The following DOCK9 variants were observed in gnomAD, a reference collection of about 807,000 sequenced individuals.
DOCK9 encodes the protein dedicator of cytokinesis protein 9.
In DOCK9, 89 loss-of-function variants were observed where a neutral mutation model predicts 263.3. That is an observed-to-expected ratio of 0.34 (90% CI 0.28 to 0.40). The LOEUF is 0.40. DOCK9 is among the 10% of genes least tolerant of loss of function. The pLI, the probability that DOCK9 is intolerant of heterozygous loss-of-function variation, is 1.00. For missense variants in DOCK9, 2,140 were observed against 2,603.4 expected, an observed-to-expected ratio of 0.82 and a Z score of 3.87; for synonymous variants, 976 against 973.1, an observed-to-expected ratio of 1.00 and a Z score of -0.06.
chr13:98,823,343 G>A (rs2092379906), intron 45 of DOCK9, among the ~76,000 whole-genome samples: 1 of 152,178 alleles, frequency 6.6e-6, no homozygotes, highest in Non-Finnish European at 1.5e-5. Context: ...CCAGGACCAT[G>A]TTTAGAGAAC....
At chr13:98,953,382 C>G (rs1209404169) in intron 2 of DOCK9, among the ~76,000 whole-genome samples, 7 of 152,226 alleles carry the variant, frequency 4.6e-5, no homozygotes, top group African/African-American at 1.7e-4. Flanking sequence ...AAAGGGGACA[C>G]AGAAGTTTTC....
intron 1 of DOCK9, among the ~76,000 whole-genome samples, chr13:99,060,280 T>C (rs1163290446): frequency 1.3e-5 from 2 of 152,012 alleles, no homozygotes; most frequent in East Asian, 1.9e-4. Context: ...GGTTTCACCG[T>C]GTTAGCCAGG....
At chr13:98,839,877 G>A (rs1369956739) in intron 38 of DOCK9, among the ~76,000 whole-genome samples, 1 of 152,208 alleles carries the variant, frequency 6.6e-6, no homozygotes, top group African/African-American at 2.4e-5. Context: ...CTCTCCTTTA[G>A]AGTCAGATTC....
chr13:98,973,511 A>C (rs561911946), intron 1 of DOCK9, among the ~76,000 whole-genome samples: 1 of 152,342 alleles, frequency 6.6e-6, no homozygotes, highest in African/African-American at 2.4e-5. Context: ...GTGGTCATTC[A>C]AACATTAAAA....
At chr13:98,852,608 T>C (rs1388111635) in intron 35 of DOCK9, among the ~76,000 whole-genome samples, 3 of 152,254 alleles carry the variant, frequency 2.0e-5, no homozygotes, top group Non-Finnish European at 4.4e-5. Flanking sequence ...ACTTTGTTTT[T>C]AGGAGAGTTC....
At chr13:98,928,926 T>C (rs1289215772) in intron 3 of DOCK9, among the ~76,000 whole-genome samples, 2 of 152,170 alleles carry the variant, frequency 1.3e-5, no homozygotes, top group Admixed American at 6.5e-5. Flanking sequence ...TTCAGAAAGA[T>C]GAGGGAACAC....
intron 45 of DOCK9, among the ~76,000 whole-genome samples, chr13:98,823,686 A>G (rs1291157433): frequency 3.3e-5 from 5 of 152,262 alleles, no homozygotes; most frequent in Non-Finnish European, 5.9e-5. Flanking sequence ...AAAAGGAAAC[A>G]GAGTGAATGA....
chr13:98,855,863 A>T (rs755266712), intron 34 of DOCK9, 35 bp downstream of exon 34: 1 of 1,611,006 alleles, frequency 6.2e-7, no homozygotes, highest in South Asian at 1.1e-5. Context: ...TCCATTGATT[A>T]TAAGAAACAT....
rs375625392 is a variant in DOCK9 at position 98,850,079 on chromosome 13, T to C, written c.3981A>G (p.Thr1327=). The C allele has an allele frequency of 6.6e-5, 103 of 1,560,444 alleles. No individual in the cohort carries two copies. Among genetic ancestry groups the C allele is most frequent in the Non-Finnish European group, 8.8e-5 (102 of 1,156,948 alleles). ...TTGTAAAAAAATCCATAAGTTCAGA[T>C]GTTGAAGCCTTGTTCCAATATGTAA... The part of the protein sequence containing the change: ...ALFTYWNKAS[T]SELMDFFTIS... Residue 1327 remains threonine (T), a synonymous_variant, in exon 36 of 53, where the codon ACA becomes ACG. Transcript: ENST00000682017.
intron 11 of DOCK9, 107 bp downstream of exon 11, chr13:98,902,865 C>A (rs1368011753): frequency 1.8e-6 from 2 of 1,114,810 alleles, no homozygotes; most frequent in African/African-American, 3.2e-5. Context: ...CACTGCACCT[C>A]TTTGATACCA....
intron 30 of DOCK9, among the ~76,000 whole-genome samples, chr13:98,865,560 G>A (rs73556940): frequency 0.058 from 8,847 of 152,240 alleles, 666 homozygotes; most frequent in African/African-American, 0.16. Context: ...TCGACTGAGC[G>A]AAGCCCGTCT....
chr13:98,949,161 C>G (rs1358835679), intron 2 of DOCK9, among the ~76,000 whole-genome samples: 1 of 152,220 alleles, frequency 6.6e-6, no homozygotes, highest in Non-Finnish European at 1.5e-5. Context: ...CAGCCTCAAC[C>G]TGTTGGGCTC....
chr13:98,993,839 G>A (rs1880386144), intron 1 of DOCK9, among the ~76,000 whole-genome samples: 1 of 152,180 alleles, frequency 6.6e-6, no homozygotes, highest in African/African-American at 2.4e-5. Context: ...TTCTCTCACT[G>A]TAGTTAGAAT....
intron 33 of DOCK9, chr13:98,857,693 T>C (rs1171168711): frequency 1.3e-5 from 2 of 152,204 alleles, no homozygotes; most frequent in Non-Finnish European, 2.9e-5. Flanking sequence ...TCCCTGAAAC[T>C]GATTCAGTGT....
At chr13:99,017,798 T>C (rs1885610038) in intron 1 of DOCK9, among the ~76,000 whole-genome samples, 1 of 152,248 alleles carries the variant, frequency 6.6e-6, no homozygotes, top group Non-Finnish European at 1.5e-5. Context: ...CGAATTTTTG[T>C]TGGGCCACAT....
In DOCK9 at chr13:98,831,274, T is replaced by C. The variant is rs948334504; in HGVS notation, c.4635+74A>G. On this transcript the variant is annotated intron_variant, in intron 41 of 52. Coordinates refer to ENST00000682017, the MANE Select transcript of DOCK9 (RefSeq NM_001366683.2). ...TTATGACAAGGTAAATTGGTTAATG[T>C]GATACTCAAAGTTTTCCTGATACAG... The C allele has an allele frequency of 4.1e-6, 6 of 1,451,258 alleles. No individual in the cohort carries two copies. The African/African-American group carries it at 8.5e-5, about 21-fold the overall frequency. 89.9% of individuals were successfully genotyped at this position (1,451,258 alleles called of 1,614,324 possible).
Position 98,977,786 on chromosome 13 carries a change from G to A in DOCK9, c.124C>T (p.Pro42Ser), listed in dbSNP as rs1478401683. The A allele has an allele frequency of 1.2e-6, 2 of 1,611,470 alleles. No individual in the cohort carries two copies. The highest frequency in any genetic ancestry group is 1.7e-5 in the Admixed American group (1 of 59,822). Residue 42 changes from proline to serine, a missense_variant and splice_region_variant, in exon 1 of 53, where the codon CCG (proline) becomes TCG (serine). Around this residue, in one of 2 missense-constraint regions of DOCK9, gnomAD observed 1,521 missense variants for 1,741.7 expected, o/e 0.87. Transcript: ENST00000682017. ...CACTTTGTACGAGACCCTCTTACCG[G>A]CACAGGGCCCGGGCTCTCTGCTTCC... ...EVEAESPGPV[P>S]AKPKLIEPLD...
At position 98,794,768 on chromosome 13, in the gene DOCK9, C is replaced by CG. The variant is rs2089137423; in HGVS notation, c.6157-21dup. On this transcript the variant is annotated intron_variant, in intron 52 of 52. Transcript: ENST00000682017. ...GCAGATCTTGAGGACAGAAACACAA[C>CG]GTTACTGAGGGCAACACAAGGTTAC... 1 of 1,613,238 alleles carries CG rather than the reference C, an allele frequency of 6.2e-7. No individual in the cohort carries two copies. Among genetic ancestry groups the CG allele is most frequent in the Non-Finnish European group, 8.5e-7 (1 of 1,179,534 alleles).
intron 24 of DOCK9, 79 bp from the exon 25 acceptor site, chr13:98,881,706 C>T: frequency 1.4e-6 from 2 of 1,417,488 alleles, no homozygotes; most frequent in Non-Finnish European, 1.9e-6. Flanking sequence ...AGTAGTAGAA[C>T]AATGATGATG....
Sources: gnomAD v4.1 joint callset for allele counts (sites outside exome capture counted in the v4.1 genomes callset) on GRCh38, gnomAD v4.1.1 for gene constraint, gnomAD v4.1.1 regional missense constraint, MANE v1.5 for transcripts, NCBI Gene and HGNC (gene_info 2026-07-23, HGNC 2026-07-21) for gene names.